Variants in LTBP1 observed in about 807,000 individuals in gnomAD.
The protein encoded by LTBP1 is latent transforming growth factor beta binding protein 1.
LTBP1 carries 129 observed loss-of-function variants against 207.6 expected under a neutral mutation model. That is an observed-to-expected ratio of 0.62 (90% CI 0.54 to 0.72). The LOEUF (loss-of-function observed/expected upper bound fraction) is 0.72. LTBP1 is among the 30% of genes least tolerant of loss of function. The pLI is 0.00. For synonymous variants in LTBP1, 963 were observed against 833.7 expected (o/e 1.16, Z -2.67); for missense variants, 2,281 against 2,217.2 (o/e 1.03, Z -0.58).
intron 24 of LTBP1, among the ~76,000 whole-genome samples, chr2:33,323,566 G>C (rs748667352): frequency 3.3e-5 from 5 of 152,120 alleles, no homozygotes; most frequent in Non-Finnish European, 5.9e-5. Flanking sequence ...GAGCCTGGGA[G>C]GCGAGTGAGC....
At chr2:33,076,520 A>G (rs2078088224) in intron 3 of LTBP1, among the ~76,000 whole-genome samples, 1 of 151,506 alleles carries the variant, frequency 6.6e-6, no homozygotes, top group Non-Finnish European at 1.5e-5. Flanking sequence ...GGTATCATGA[A>G]TTATGTCCTA....
chr2:33,112,039 G>A (rs539807598), intron 4 of LTBP1, among the ~76,000 whole-genome samples: 4 of 152,158 alleles, frequency 2.6e-5, no homozygotes, highest in African/African-American at 4.8e-5. Context: ...AGGAAAAGAT[G>A]TACTTCTTAT....
intron 7 of LTBP1, among the ~76,000 whole-genome samples, chr2:33,203,079 TGG>T (rs2089493952): frequency 1.7e-5 from 2 of 117,888 alleles, no homozygotes; most frequent in Non-Finnish European, 3.7e-5. Flanking sequence ...GAGTCTCTTG[TGG>T]CTCTAAAATG....
At chr2:33,204,535 A>G (rs940736535) in intron 7 of LTBP1, among the ~76,000 whole-genome samples, 50 of 152,256 alleles carry the variant, frequency 3.3e-4, no homozygotes, top group Admixed American at 2.6e-4. Flanking sequence ...GTTAAAGAAT[A>G]TGGTCTTAAC....
intron 26 of LTBP1, among the ~76,000 whole-genome samples, chr2:33,357,396 A>G (rs1354001181): frequency 2.0e-5 from 3 of 152,174 alleles, no homozygotes; most frequent in Admixed American, 2.0e-4. Flanking sequence ...AAAAACACAG[A>G]GAATAAAGGG....
At chr2:33,389,500 A>G (rs757880246) in intron 32 of LTBP1, among the ~76,000 whole-genome samples, 194 bp downstream of exon 32, 1 of 151,584 alleles carries the variant, frequency 6.6e-6, no homozygotes, top group Non-Finnish European at 1.5e-5. Context: ...GGTGAGTCTA[A>G]GAACCACTGC....
At chr2:33,376,464 C>A (rs2095140878) in intron 31 of LTBP1, among the ~76,000 whole-genome samples, 1 of 152,194 alleles carries the variant, frequency 6.6e-6, no homozygotes, top group African/African-American at 2.4e-5. Context: ...AAATTCAGGA[C>A]CCTGATTGCC....
chr2:33,037,893 A>T (rs900090273), intron 3 of LTBP1, among the ~76,000 whole-genome samples: 1 of 152,000 alleles, frequency 6.6e-6, no homozygotes, highest in African/African-American at 2.4e-5. Flanking sequence ...AATTTTTAAA[A>T]TTTTTTGGAG....
intron 3 of LTBP1, among the ~76,000 whole-genome samples, chr2:33,047,960 A>G (rs1198180941): frequency 1.3e-5 from 2 of 149,682 alleles, no homozygotes; most frequent in Non-Finnish European, 3.0e-5. Context: ...TTTGTTTTCT[A>G]TTTGCTTGGT....
At chr2:33,081,420 C>G (rs1387809792) in intron 3 of LTBP1, among the ~76,000 whole-genome samples, 1 of 152,078 alleles carries the variant, frequency 6.6e-6, no homozygotes, top group Non-Finnish European at 1.5e-5. Flanking sequence ...CACACATGCA[C>G]ACACACATAT....
intron 2 of LTBP1, among the ~76,000 whole-genome samples, chr2:32,958,092 GT>G (rs1678384697): frequency 6.6e-6 from 1 of 152,220 alleles, no homozygotes; most frequent in Admixed American, 6.5e-5. Context: ...GTGGTTGGAA[GT>G]TCAGTCTTTG....
chr2:33,298,653 T>G (rs796086949), intron 20 of LTBP1, among the ~76,000 whole-genome samples: 3 of 152,330 alleles, frequency 2.0e-5, no homozygotes, highest in African/African-American at 7.2e-5. Context: ...GTTTGAAAGG[T>G]ATAAAATAAT....
At chr2:33,124,956 T>C (rs1365364275) in intron 4 of LTBP1, among the ~76,000 whole-genome samples, 1 of 152,224 alleles carries the variant, frequency 6.6e-6, no homozygotes, top group Non-Finnish European at 1.5e-5. Flanking sequence ...TATCAGTTTC[T>C]TTGTCTTCCA....
In LTBP1 at chr2:33,101,129, T is replaced by C. The variant is rs116477700; in HGVS notation, c.864-9453T>C. Among the ~76,000 whole-genome samples, 1,316 of 152,298 alleles carry C rather than the reference T, an allele frequency of 8.6e-3. 12 individuals carry two copies. The highest frequency in any genetic ancestry group is 0.029 in the African/African-American group (1,200 of 41,566). On this transcript the variant is annotated intron_variant, in intron 3 of 33. Transcript: ENST00000404816. Reference sequence around the variant, plus strand: ...CAAAACTGATTTTTCACAGTGCTTGTAGGGCTAGGTTCCTTGACTCTTACA... The same window carrying C: ...CAAAACTGATTTTTCACAGTGCTTGCAGGGCTAGGTTCCTTGACTCTTACA...
At chr2:33,295,449 C>A (rs552958190) in intron 20 of LTBP1, among the ~76,000 whole-genome samples, 3 of 152,112 alleles carry the variant, frequency 2.0e-5, no homozygotes, top group Admixed American at 6.5e-5. Flanking sequence ...ATCACTTGAA[C>A]CCGAGAAGCA....
chr2:33,309,030 C>G (rs1488401829), intron 22 of LTBP1, among the ~76,000 whole-genome samples: 1 of 152,030 alleles, frequency 6.6e-6, no homozygotes, highest in Non-Finnish European at 1.5e-5. Flanking sequence ...TGTCTGTAAT[C>G]TCAACACTTT....
intron 2 of LTBP1, among the ~76,000 whole-genome samples, chr2:32,979,890 C>T (rs141229600): frequency 5.9e-4 from 90 of 152,130 alleles, no homozygotes; most frequent in African/African-American, 2.0e-3. Flanking sequence ...TGCTTACAAT[C>T]GTTATATTCT....
At chr2:33,173,302 A>G (rs1193039696) in intron 5 of LTBP1, among the ~76,000 whole-genome samples, 1 of 151,318 alleles carries the variant, frequency 6.6e-6, no homozygotes, top group East Asian at 1.9e-4. Flanking sequence ...AATAGACGCA[A>G]TAAAAAATGA....
chr2:32,967,531 A>G (rs1479172843), intron 2 of LTBP1, among the ~76,000 whole-genome samples: 2 of 152,172 alleles, frequency 1.3e-5, no homozygotes, highest in African/African-American at 4.8e-5. Flanking sequence ...ATTTTCATTT[A>G]GGTCTAAAAT....
Sources: allele counts gnomAD v4.1 joint callset (sites outside exome capture counted in the v4.1 genomes callset), GRCh38; gene constraint gnomAD v4.1.1; transcripts MANE v1.5; gene names NCBI Gene and HGNC (gene_info 2026-07-23, HGNC 2026-07-21).